KATNIP: variants seen among roughly 807,000 people sequenced by gnomAD.
The protein encoded by KATNIP is katanin-interacting protein.
KATNIP carries 126 observed loss-of-function variants against 174.0 expected under a neutral mutation model. That is an observed-to-expected ratio of 0.72 (90% CI 0.63 to 0.84). The LOEUF is 0.84. KATNIP is among the 40% of genes least tolerant of loss of function. The pLI, the probability that KATNIP is intolerant of heterozygous loss-of-function variation, is 0.00. For missense variants in KATNIP, 1,958 were observed against 2,109.7 expected (o/e 0.93, Z 1.41); for synonymous variants, 810 against 835.7 (o/e 0.97, Z 0.53).
chr16:27,571,477 G>A (rs1442950344), intron 1 of KATNIP, among the ~76,000 whole-genome samples: 1 of 151,728 alleles, frequency 6.6e-6, no homozygotes, highest in African/African-American at 2.4e-5. Context: ...GGCCCATAGA[G>A]ACCTAATGAC....
At chr16:27,735,496 C>T (rs1043039308) in intron 14 of KATNIP, among the ~76,000 whole-genome samples, 1 of 152,230 alleles carries the variant, frequency 6.6e-6, no homozygotes, top group African/African-American at 2.4e-5. Context: ...GAAAACTGCC[C>T]ATGCTGTCCT....
intron 2 of KATNIP, among the ~76,000 whole-genome samples, chr16:27,593,492 C>A (rs2075246890): frequency 6.6e-6 from 1 of 152,074 alleles, no homozygotes; most frequent in African/African-American, 2.4e-5. Flanking sequence ...CCTGCCTTGG[C>A]CTCGCAAAGT....
chr16:27,598,287 T>A (rs1237106760), intron 2 of KATNIP, among the ~76,000 whole-genome samples: 2 of 150,308 alleles, frequency 1.3e-5, no homozygotes, highest in Non-Finnish European at 2.9e-5. Flanking sequence ...CATGAGCTAC[T>A]TTAGGGGCTG....
At chr16:27,648,188 G>T (rs1024011128) in intron 5 of KATNIP, among the ~76,000 whole-genome samples, 2 of 151,954 alleles carry the variant, frequency 1.3e-5, no homozygotes, top group Non-Finnish European at 2.9e-5. Context: ...AGCTACTCAG[G>T]AGGCTGAGGC....
chr16:27,555,627 A>C (rs2089589655), intron 1 of KATNIP, among the ~76,000 whole-genome samples: 1 of 151,962 alleles, frequency 6.6e-6, no homozygotes, highest in Non-Finnish European at 1.5e-5. Context: ...CTGAGATCAG[A>C]AGTTCGAGAC....
At chr16:27,587,517 A>G (rs921495349) in intron 2 of KATNIP, among the ~76,000 whole-genome samples, 1 of 152,246 alleles carries the variant, frequency 6.6e-6, no homozygotes, top group Admixed American at 6.5e-5. Context: ...TCACTATTAC[A>G]GATGCTCCTT....
intron 2 of KATNIP, among the ~76,000 whole-genome samples, chr16:27,595,343 C>T (rs916476745): frequency 1.3e-5 from 2 of 152,098 alleles, no homozygotes; most frequent in Non-Finnish European, 2.9e-5. Flanking sequence ...GCTGAGATCA[C>T]GCCTGCACTC....
chr16:27,731,695 T>C (rs992089738), intron 14 of KATNIP, among the ~76,000 whole-genome samples: 12 of 151,794 alleles, frequency 7.9e-5, no homozygotes, highest in Non-Finnish European at 1.5e-4. Flanking sequence ...CTCGGCCCAC[T>C]GCAACCTCCA....
At chr16:27,605,991 G>A (rs568917964) in intron 2 of KATNIP, among the ~76,000 whole-genome samples, 4 of 152,206 alleles carry the variant, frequency 2.6e-5, no homozygotes, top group African/African-American at 9.6e-5. Flanking sequence ...TTAGCTGGGC[G>A]TGGTGGCAGA....
chr16:27,761,347 G>A, intron 18 of KATNIP, 66 bp from the exon 19 acceptor site: 2 of 1,470,108 alleles, frequency 1.4e-6, no homozygotes, highest in East Asian at 2.3e-5. Flanking sequence ...TCCTCTTCCT[G>A]TCTTCATTTT....
At chr16:27,619,175 A>C (rs938870774) in intron 3 of KATNIP, among the ~76,000 whole-genome samples, 1 of 152,182 alleles carries the variant, frequency 6.6e-6, no homozygotes, top group Non-Finnish European at 1.5e-5. Context: ...GGGAGTGGCC[A>C]GGCAGTGAGT....
At chr16:27,629,031 G>A (rs2076412348) in intron 4 of KATNIP, among the ~76,000 whole-genome samples, 1 of 152,040 alleles carries the variant, frequency 6.6e-6, no homozygotes, top group Non-Finnish European at 1.5e-5. Flanking sequence ...AGCCAGGCAT[G>A]ATGGCATGCA....
intron 2 of KATNIP, among the ~76,000 whole-genome samples, chr16:27,609,816 C>T (rs550030356): frequency 3.9e-5 from 6 of 152,048 alleles, no homozygotes; most frequent in East Asian, 1.9e-4. Context: ...CTCAGCCTCC[C>T]GTGTAGCTGG....
chr16:27,674,520 G>A (rs191097710), intron 6 of KATNIP, among the ~76,000 whole-genome samples: 1 of 152,256 alleles, frequency 6.6e-6, no homozygotes, highest in East Asian at 1.9e-4. Context: ...CAGCACTATA[G>A]CTCACTCCTC....
rs555282539 is a variant in KATNIP at position 27,661,684 on chromosome 16, C to T, written c.540+12949C>T. ...CTGGGATTACAGGCGTGAGCCACTG[C>T]GCCCGGCCTGGGTTTCTTTATGTTT... is the stretch of plus-strand genomic sequence containing the variant. On this transcript the variant is annotated intron_variant, in intron 6 of 27. Transcript: ENST00000261588. Among the ~76,000 whole-genome samples the T allele has an allele frequency of 3.3e-5, 5 of 150,790 alleles. No homozygotes were observed. In the South Asian group the frequency reaches 8.4e-4, roughly 25 times the overall value.
chr16:27,599,371 G>A (rs2075441188), intron 2 of KATNIP, among the ~76,000 whole-genome samples: 1 of 152,238 alleles, frequency 6.6e-6, no homozygotes, highest in Non-Finnish European at 1.5e-5. Flanking sequence ...GCAGCCAGAA[G>A]AGCTGAGTGG....
intron 14 of KATNIP, among the ~76,000 whole-genome samples, chr16:27,724,358 A>G (rs539206711): frequency 5.9e-5 from 9 of 152,214 alleles, no homozygotes; most frequent in Non-Finnish European, 8.8e-5. Flanking sequence ...GTCATTGAAT[A>G]TATATCTCAG....
chr16:27,745,128 G>T (rs879677134), intron 15 of KATNIP, among the ~76,000 whole-genome samples: 1 of 152,164 alleles, frequency 6.6e-6, no homozygotes, highest in African/African-American at 2.4e-5. Context: ...TTCATCAGGG[G>T]TCAGTTGTTT....
intron 1 of KATNIP, 47 bp from the exon 2 acceptor site, chr16:27,573,854 T>C (rs370713818): frequency 6.3e-7 from 1 of 1,577,360 alleles, no homozygotes; most frequent in African/African-American, 1.3e-5. Context: ...ATAAACTAGC[T>C]GTTCTAAAAC....
Sources: allele counts gnomAD v4.1 joint callset (sites outside exome capture counted in the v4.1 genomes callset), GRCh38; gene constraint gnomAD v4.1.1; transcripts MANE v1.5; gene names NCBI Gene and HGNC (gene_info 2026-07-23, HGNC 2026-07-21).